The following FNBP1 variants were observed in gnomAD, a reference collection of about 807,000 sequenced individuals.
FNBP1 encodes the protein formin binding protein 1.
A neutral mutation model predicts 90.6 loss-of-function variants in FNBP1; 26 were observed. The observed-to-expected ratio is 0.29, with a 90% CI of 0.21 to 0.40. The LOEUF is 0.40. Among genes scored for constraint, FNBP1 ranks in the 10% least tolerant of loss-of-function variants. The pLI is 1.00. For synonymous variants in FNBP1, 260 were observed against 265.2 expected, an observed-to-expected ratio of 0.98 and a Z score of 0.19; for missense variants, 635 against 768.0, an observed-to-expected ratio of 0.83 and a Z score of 2.05.
In FNBP1 at chr9:129,967,935, C is replaced by T. The variant is rs7027845; in HGVS notation, c.346-9382G>A. On this transcript the variant is annotated intron_variant, in intron 4 of 16. Transcript: ENST00000446176. ...TTGTCCAGGCTGGTCTTGAACTCCC[C>T]GGCCCTGAGCAATCTTCCTGCCTCA... Among the ~76,000 whole-genome samples, 1,118 of 151,618 alleles carry T rather than the reference C, an allele frequency of 7.4e-3. 12 individuals are homozygous for T. The highest frequency in any genetic ancestry group is 0.024 in the African/African-American group (995 of 41,336).
intron 15 of FNBP1, among the ~76,000 whole-genome samples, chr9:129,896,638 TC>T (rs1422563444): frequency 6.6e-6 from 1 of 151,780 alleles, no homozygotes; most frequent in African/African-American, 2.4e-5. Context: ...AGCCTCAGCC[TC>T]CCAATTTTTT....
intron 10 of FNBP1, chr9:129,919,075 C>T: frequency 4.3e-6 from 2 of 460,984 alleles, no homozygotes; most frequent in South Asian, 1.7e-5. Flanking sequence ...TAACAAGTGC[C>T]TCTGGGTCCC....
chr9:130,040,042 G>C (rs1225427133), intron 1 of FNBP1, among the ~76,000 whole-genome samples: 1 of 152,030 alleles, frequency 6.6e-6, no homozygotes, highest in Non-Finnish European at 1.5e-5. Flanking sequence ...TGATTCCAAA[G>C]CCACCATTCA....
intron 4 of FNBP1, among the ~76,000 whole-genome samples, chr9:129,965,698 G>GCGCGCGCGCGCACACACACACACA (rs2048458362): frequency 1.5e-5 from 1 of 66,566 alleles, no homozygotes; most frequent in African/African-American, 7.7e-5. Flanking sequence ...ACACACACAC[G>GCGCGCGCGCGCACACACACACACA]CGCGCGCGCG....
intron 1 of FNBP1, among the ~76,000 whole-genome samples, chr9:130,038,282 G>T (rs2059511545): frequency 2.0e-5 from 3 of 150,428 alleles, no homozygotes; most frequent in Non-Finnish European, 4.4e-5. Context: ...GTCAACCCGG[G>T]AGGCGGAGCT....
At chr9:130,026,769 A>G (rs992345553) in intron 1 of FNBP1, among the ~76,000 whole-genome samples, 1 of 151,952 alleles carries the variant, frequency 6.6e-6, no homozygotes, top group African/African-American at 2.4e-5. Context: ...CCTGGGTAAC[A>G]TGGCAAAACC....
chr9:129,909,046 C>G, intron 11 of FNBP1, 47 bp from the exon 12 acceptor site: 1 of 1,370,468 alleles, frequency 7.3e-7, no homozygotes, highest in Non-Finnish European at 1.0e-6. Flanking sequence ...CCAGGCTTTC[C>G]TTGAAAGAAG....
chr9:130,036,508 T>C (rs192952384), intron 1 of FNBP1, among the ~76,000 whole-genome samples: 2 of 152,352 alleles, frequency 1.3e-5, no homozygotes, highest in African/African-American at 4.8e-5. Flanking sequence ...GCAACAAAAC[T>C]GATATCTAAA....
chr9:129,993,491 A>C (rs4837443), intron 2 of FNBP1, among the ~76,000 whole-genome samples: 15,773 of 150,400 alleles, frequency 0.1, 902 homozygotes, highest in Admixed American at 0.15. Context: ...AAAAAAAAAA[A>C]AAAACAGAGA....
At chr9:129,971,564 T>C (rs1315104276) in intron 4 of FNBP1, among the ~76,000 whole-genome samples, 2 of 152,156 alleles carry the variant, frequency 1.3e-5, no homozygotes, top group Non-Finnish European at 2.9e-5. Context: ...TTAATTTTTG[T>C]ATTTTTAGCA....
upstream of FNBP1, among the ~76,000 whole-genome samples, chr9:130,046,937 A>C (rs976476363): frequency 6.6e-6 from 1 of 152,138 alleles, no homozygotes; most frequent in African/African-American, 2.4e-5. Flanking sequence ...AATTAAACCC[A>C]AAAAGGAGGA....
At chr9:129,948,646 G>C (rs1336879476) in intron 6 of FNBP1, among the ~76,000 whole-genome samples, 2 of 151,990 alleles carry the variant, frequency 1.3e-5, no homozygotes, top group African/African-American at 4.8e-5. Flanking sequence ...GGGTTCAAGC[G>C]ATTCTCCTGC....
intron 1 of FNBP1, among the ~76,000 whole-genome samples, chr9:130,018,637 C>T (rs954337778): frequency 1.3e-5 from 2 of 152,026 alleles, no homozygotes; most frequent in Non-Finnish European, 2.9e-5. Flanking sequence ...GTGATCTCAG[C>T]TCACTATGCT....
At chr9:129,925,518 A>G (rs1286280988) in intron 8 of FNBP1, among the ~76,000 whole-genome samples, 1 of 151,076 alleles carries the variant, frequency 6.6e-6, no homozygotes, top group Non-Finnish European at 1.5e-5. Flanking sequence ...AAAAACAATG[A>G]ATTATGATGA....
chr9:129,891,076 A>G (rs565777302), intron 16 of FNBP1, among the ~76,000 whole-genome samples: 1 of 151,226 alleles, frequency 6.6e-6, no homozygotes, highest in South Asian at 2.1e-4. Context: ...AATCGCTTCA[A>G]CCCAGGAGGC....
intron 5 of FNBP1, 91 bp downstream of exon 5, chr9:129,958,400 C>G (rs2047264181): frequency 1.0e-6 from 1 of 991,646 alleles, no homozygotes; most frequent in South Asian, 1.5e-5. Flanking sequence ...CCATTGCACT[C>G]CAACCTGGGC....
chr9:129,929,425 A>G, intron 7 of FNBP1, 142 bp downstream of exon 7: 1 of 798,366 alleles, frequency 1.3e-6, no homozygotes, highest in Middle Eastern at 3.4e-4. Flanking sequence ...AAAAAAAAAA[A>G]AAAAAAAAAA....
chr9:129,958,984 T>TAAAAAAAAAAAAAAAAA (rs1334219802), intron 4 of FNBP1, among the ~76,000 whole-genome samples: 1 of 468 alleles, frequency 2.1e-3, no homozygotes, highest in Non-Finnish European at 4.8e-3. Flanking sequence ...AAACTCTGCC[T>TAAAAAAAAAAAAAAAAA]CAAAAAAAAA....
intron 8 of FNBP1, among the ~76,000 whole-genome samples, chr9:129,926,781 G>A (rs1325902477): frequency 2.0e-5 from 3 of 151,824 alleles, no homozygotes; most frequent in Non-Finnish European, 4.4e-5. Context: ...AGCTACTCAG[G>A]AGGCTGAGGC....
Sources: allele counts gnomAD v4.1 joint callset (sites outside exome capture counted in the v4.1 genomes callset), GRCh38; gene constraint gnomAD v4.1.1; transcripts MANE v1.5; gene names NCBI Gene and HGNC (gene_info 2026-07-23, HGNC 2026-07-21).